Variants in SHISA9 observed in about 807,000 individuals in gnomAD.
SHISA9 encodes the protein protein shisa-9.
Under a neutral mutation model 38.0 loss-of-function variants are expected in SHISA9, and 13 were observed. The ratio of observed to expected loss-of-function variants is 0.34; its 90% CI spans 0.22 to 0.54. The LOEUF (loss-of-function observed/expected upper bound fraction) is 0.54, where lower values mean the gene tolerates loss of function less well. SHISA9 is among the 20% of genes least tolerant of loss of function. The pLI is 0.91. For synonymous variants in SHISA9, 275 were observed against 242.0 expected, an observed-to-expected ratio of 1.14 and a Z score of -1.27; for missense variants, 538 against 575.8, an observed-to-expected ratio of 0.93 and a Z score of 0.67.
chr16:13,222,048 G>T (rs557149224), intron 4 of SHISA9, among the ~76,000 whole-genome samples: 3 of 152,136 alleles, frequency 2.0e-5, no homozygotes, highest in Non-Finnish European at 4.4e-5. Context: ...AGCAAAACAC[G>T]TCTTACATGG....
chr16:12,916,085 A>G (rs2141720535), intron 1 of SHISA9, among the ~76,000 whole-genome samples: 1 of 133,564 alleles, frequency 7.5e-6, no homozygotes, highest in South Asian at 2.4e-4. Context: ...TTGTGTCTCC[A>G]TCCCCCTGCA....
the SHISA9 span, among the ~76,000 whole-genome samples, chr16:13,400,518 C>T: frequency 6.6e-6 from 1 of 152,178 alleles, no homozygotes; most frequent in South Asian, 2.1e-4. Flanking sequence ...GACCAAGTGT[C>T]ATCCTGTAAG....
chr16:13,063,561 A>AT (rs1188848410), intron 2 of SHISA9, among the ~76,000 whole-genome samples: 2 of 152,150 alleles, frequency 1.3e-5, no homozygotes, highest in Admixed American at 1.3e-4. Context: ...ATGGCGCAGA[A>AT]TGTTCATCTA....
At chr16:13,561,425 G>A in the SHISA9 span, among the ~76,000 whole-genome samples, 1 of 152,198 alleles carries the variant, frequency 6.6e-6, no homozygotes, top group Non-Finnish European at 1.5e-5. Flanking sequence ...TCGTGCTGCT[G>A]TCAGAGAGCT....
chr16:13,160,979 G>A (rs958661524), intron 2 of SHISA9, among the ~76,000 whole-genome samples: 2 of 152,036 alleles, frequency 1.3e-5, no homozygotes. Flanking sequence ...TTTCTTCCTA[G>A]CCCCATTCCC....
chr16:13,278,451 C>T, the SHISA9 span, among the ~76,000 whole-genome samples: 1 of 151,918 alleles, frequency 6.6e-6, no homozygotes, highest in African/African-American at 2.4e-5. Flanking sequence ...TGGTAGGGTT[C>T]CTTCTTTCTC....
In SHISA9 at chr16:12,970,404, CATATATATATATACACATATATGTATAT is replaced by C. The variant is rs1225769420; in HGVS notation, c.691+53597_691+53624del. On this transcript the variant is annotated intron_variant, in intron 2 of 4. Transcript: ENST00000558583. ...ATACATATATGTATATATATATATA[CATATATATATATACACATATATGTATAT>C]ATATATACACACATATATATATACA... Among the ~76,000 whole-genome samples, 24 of 11,724 alleles carry C rather than the reference CATATATATATATACACATATATGTATAT, an allele frequency of 2.0e-3. 1 individual carries two copies. Among genetic ancestry groups the C allele is most frequent in the Non-Finnish European group, 4.4e-3 (22 of 5,012 alleles). The allele number at this position is 11,724 out of a possible 152,430, so 7.7% of individuals were successfully genotyped here. A position where few individuals can be genotyped will look rare whatever the true frequency, so the allele number is the denominator to read the frequency against.
Position 13,226,991 on chromosome 16 carries a change from A to G in SHISA9, c.896-8039A>G, listed in dbSNP as rs147183923. The stretch of plus-strand genomic sequence containing the variant: ...GTAAGAGCTGCAAAGTATTTTGGTC[A>G]TTCTTGGAATATGCCACATATTCCC... On this transcript the variant is annotated intron_variant, in intron 4 of 4. Coordinates refer to ENST00000558583, the MANE Select transcript of SHISA9 (RefSeq NM_001145204.3). Among the ~76,000 whole-genome samples the G allele has an allele frequency of 3.3e-3, 507 of 152,310 alleles. 3 individuals carry two copies. Among genetic ancestry groups the G allele is most frequent in the African/African-American group, 0.012 (486 of 41,568 alleles).
At chr16:13,425,961 G>C in the SHISA9 span, among the ~76,000 whole-genome samples, 2 of 152,174 alleles carry the variant, frequency 1.3e-5, no homozygotes, top group South Asian at 4.1e-4. Context: ...TCAAGTACTT[G>C]TGCTTTGCTT....
intron 2 of SHISA9, among the ~76,000 whole-genome samples, chr16:12,992,599 A>T (rs989993808): frequency 6.6e-6 from 1 of 152,086 alleles, no homozygotes; most frequent in Non-Finnish European, 1.5e-5. Flanking sequence ...AGGTCACAAG[A>T]TAAGAGCCAG....
chr16:13,295,104 C>T, the SHISA9 span, among the ~76,000 whole-genome samples: 1 of 152,162 alleles, frequency 6.6e-6, no homozygotes, highest in Non-Finnish European at 1.5e-5. Flanking sequence ...GGGAACCTGG[C>T]TCTAGATTTC....
intron 2 of SHISA9, among the ~76,000 whole-genome samples, chr16:13,186,483 A>G (rs1388998933): frequency 1.3e-5 from 2 of 151,592 alleles, no homozygotes; most frequent in Non-Finnish European, 2.9e-5. Flanking sequence ...TTTTTAGTAG[A>G]GATGGGATTT....
intron 2 of SHISA9, among the ~76,000 whole-genome samples, chr16:12,930,994 C>T (rs554496380): frequency 8.5e-5 from 13 of 152,112 alleles, no homozygotes; most frequent in Non-Finnish European, 1.9e-4. Flanking sequence ...AAAAATACCC[C>T]AAATGTGTTA....
At chr16:12,904,995 G>C (rs1411435290) in intron 1 of SHISA9, among the ~76,000 whole-genome samples, 1 of 152,190 alleles carries the variant, frequency 6.6e-6, no homozygotes, top group Non-Finnish European at 1.5e-5. Flanking sequence ...TAGGACTACA[G>C]GCATGAGCCA....
rs77725665 is a variant in SHISA9 at position 13,028,048 on chromosome 16, G to A, written c.691+111233G>A. On this transcript the variant is annotated intron_variant, in intron 2 of 4. Coordinates refer to ENST00000558583, the MANE Select transcript of SHISA9 (RefSeq NM_001145204.3). ...GAAAAGGTAGACGGTGGCTGCTTGG[G>A]GCTGGGGTGGGGGTAATTGACTGCA... Among the ~76,000 whole-genome samples the A allele has an allele frequency of 3.2e-3, 491 of 152,066 alleles. 2 individuals carry two copies. Among genetic ancestry groups the A allele is most frequent in the Non-Finnish European group, 5.6e-3 (381 of 67,972 alleles).
At chr16:13,547,516 A>G in the SHISA9 span, among the ~76,000 whole-genome samples, 2 of 152,232 alleles carry the variant, frequency 1.3e-5, no homozygotes, top group African/African-American at 2.4e-5. Context: ...GATCTCTGAT[A>G]TACAATGGCA....
chr16:13,160,793 A>G (rs901773470), intron 2 of SHISA9, among the ~76,000 whole-genome samples: 1 of 152,208 alleles, frequency 6.6e-6, no homozygotes, highest in African/African-American at 2.4e-5. Context: ...CTTCTGCTAG[A>G]AACATGCCCA....
At chr16:13,009,961 G>C (rs969441854) in intron 2 of SHISA9, among the ~76,000 whole-genome samples, 1 of 152,174 alleles carries the variant, frequency 6.6e-6, no homozygotes, top group South Asian at 2.1e-4. Context: ...AGGATCATTT[G>C]AGGTCAGGAG....
chr16:13,240,885 A>G (rs1476861903), downstream of SHISA9, among the ~76,000 whole-genome samples: 1 of 150,552 alleles, frequency 6.6e-6, no homozygotes, highest in Non-Finnish European at 1.5e-5. Flanking sequence ...CTGTCTGACT[A>G]TGGTTCCTCC....
Sources: gnomAD v4.1 joint callset for allele counts (sites outside exome capture counted in the v4.1 genomes callset) on GRCh38, gnomAD v4.1.1 for gene constraint, MANE v1.5 for transcripts, NCBI Gene and HGNC (gene_info 2026-07-23, HGNC 2026-07-21) for gene names.